Variants in TCF7L2 observed in about 807,000 individuals in gnomAD.
TCF7L2 encodes the protein transcription factor 7 like 2.
Under a neutral mutation model 77.9 loss-of-function variants are expected in TCF7L2, and 23 were observed. The observed-to-expected ratio is 0.30, with a 90% confidence interval of 0.21 to 0.42. TCF7L2 has a LOEUF of 0.42. Ranked by LOEUF, TCF7L2 falls within the 10% of genes least tolerant of loss-of-function variation. The pLI, the probability that TCF7L2 is intolerant of heterozygous loss-of-function variation, is 1.00. For synonymous variants in TCF7L2, 413 were observed against 340.2 expected (o/e 1.21, Z -2.36); for missense variants, 654 against 793.1 (o/e 0.82, Z 2.11).
chr10:113,116,294 G>A (rs2063728125), intron 5 of TCF7L2, among the ~76,000 whole-genome samples: 1 of 152,048 alleles, frequency 6.6e-6, no homozygotes. Context: ...CTCAAGTATT[G>A]TGGTGTTATT....
chr10:113,133,843 C>T (rs1269956523), intron 5 of TCF7L2, among the ~76,000 whole-genome samples: 1 of 152,078 alleles, frequency 6.6e-6, no homozygotes, highest in Non-Finnish European at 1.5e-5. Flanking sequence ...TACAAATAAG[C>T]AGCACCCTTC....
At chr10:113,040,569 C>T (rs952401348) in intron 5 of TCF7L2, among the ~76,000 whole-genome samples, 3 of 152,182 alleles carry the variant, frequency 2.0e-5, no homozygotes, top group Non-Finnish European at 4.4e-5. Context: ...TATTTGTTGG[C>T]AACATTCTAC....
Position 112,951,188 on chromosome 10 carries a change from C to A in TCF7L2, c.190-19C>A. 1 of 1,582,080 alleles carries A rather than the reference C, an allele frequency of 6.3e-7. No individual in the cohort carries two copies. Among genetic ancestry groups the A allele is most frequent in the Non-Finnish European group, 8.6e-7 (1 of 1,167,580 alleles). ...TGGCGTTTGCCCCTCGCCCTCCCCA[C>A]CTCCACCCCTCTGGGAAGGCGGAAA... On this transcript the variant is annotated intron_variant, in intron 1 of 13. Transcript: ENST00000627217.
intron 5 of TCF7L2, among the ~76,000 whole-genome samples, chr10:113,122,369 G>T (rs1400406726): frequency 6.6e-6 from 1 of 152,106 alleles, no homozygotes; most frequent in Non-Finnish European, 1.5e-5. Context: ...ATTAATCTTT[G>T]CTTAAACATA....
chr10:112,974,021 GGACAA>G (rs1277307816), intron 4 of TCF7L2, among the ~76,000 whole-genome samples: 3 of 152,144 alleles, frequency 2.0e-5, no homozygotes, highest in African/African-American at 7.2e-5. Flanking sequence ...GGTGGACACG[GGACAA>G]GACAAGAATC....
chr10:113,094,821 C>T (rs979219784), intron 5 of TCF7L2, among the ~76,000 whole-genome samples: 3 of 152,124 alleles, frequency 2.0e-5, no homozygotes, highest in Admixed American at 2.0e-4. Context: ...CAGACTGTTT[C>T]CAAAGTTCCG....
rs1195339332 is a variant in TCF7L2, at chr10:113,126,679, T to C, written c.553-14505T>C. ...CGAGATAATTCTGTGAATGGAACTG[T>C]GCGTGAGCATCTTGTCTGGCGGCGC... On this transcript the variant is annotated intron_variant, in intron 5 of 13. Transcript: ENST00000627217. 3 of 985,450 alleles carry C rather than the reference T, an allele frequency of 3.0e-6. No individual in the cohort carries two copies. In the African/African-American group the frequency reaches 5.2e-5, roughly 17 times the overall value. The allele number at this position is 985,450 out of a possible 1,614,324, so 61.0% of individuals were successfully genotyped here.
intron 4 of TCF7L2, among the ~76,000 whole-genome samples, chr10:113,036,627 T>C (rs2051305653): frequency 6.6e-6 from 1 of 152,148 alleles, no homozygotes; most frequent in South Asian, 2.1e-4. Flanking sequence ...CAGAACATTA[T>C]TATTCAACAA....
chr10:112,960,207 C>T (rs1270453829), intron 3 of TCF7L2, among the ~76,000 whole-genome samples: 1 of 152,110 alleles, frequency 6.6e-6, no homozygotes, highest in East Asian at 1.9e-4. Context: ...GTTTCCCATT[C>T]CATGTCTGGG....
intron 5 of TCF7L2, among the ~76,000 whole-genome samples, chr10:113,111,387 T>C (rs1243292137): frequency 6.6e-6 from 1 of 152,222 alleles, no homozygotes; most frequent in African/African-American, 2.4e-5. Context: ...TCAGTATTTA[T>C]TGAATCAGTG....
In TCF7L2 at chr10:113,058,517, C is replaced by G. The variant is rs150211865; in HGVS notation, c.552+18391C>G. ...GTCCCCGAGGGCAACATGGACTCCA[C>G]ACTGTGATCCTCCGGGCAGCTCATA... On this transcript the variant is annotated intron_variant, in intron 5 of 13. Transcript: ENST00000627217. 2.9e-3 allele frequency among the ~76,000 whole-genome samples: 444 copies of G among 152,222 alleles called. 5 individuals are homozygous for G. Among genetic ancestry groups the G allele is most frequent in the Middle Eastern group, 0.017 (5 of 294 alleles).
intron 4 of TCF7L2, among the ~76,000 whole-genome samples, chr10:112,998,848 A>G (rs2043970644): frequency 6.6e-6 from 1 of 152,198 alleles, no homozygotes. Flanking sequence ...ATGCTTTTGC[A>G]TGTCTTTGTA....
intron 5 of TCF7L2, among the ~76,000 whole-genome samples, chr10:113,095,513 G>A (rs190768510): frequency 6.6e-6 from 1 of 152,188 alleles, no homozygotes; most frequent in Non-Finnish European, 1.5e-5. Flanking sequence ...GGGCACTGCA[G>A]TGCCTCCCTG....
chr10:113,024,776 C>T (rs117621276), intron 4 of TCF7L2, among the ~76,000 whole-genome samples: 3 of 151,866 alleles, frequency 2.0e-5, no homozygotes, highest in Admixed American at 6.6e-5. Flanking sequence ...CTTCCCACCA[C>T]GCACAGCTAA....
At chr10:113,094,824 A>G (rs2060773313) in intron 5 of TCF7L2, among the ~76,000 whole-genome samples, 1 of 152,162 alleles carries the variant, frequency 6.6e-6, no homozygotes, top group African/African-American at 2.4e-5. Flanking sequence ...ACTGTTTCCA[A>G]AGTTCCGCTG....
At chr10:113,130,648 T>C (rs1216312067) in intron 5 of TCF7L2, among the ~76,000 whole-genome samples, 1 of 152,182 alleles carries the variant, frequency 6.6e-6, no homozygotes, top group African/African-American at 2.4e-5. Flanking sequence ...TGATGACAGC[T>C]CATTGTGCTG....
chr10:112,953,675 G>C (rs372687547), intron 3 of TCF7L2, among the ~76,000 whole-genome samples: 2 of 152,148 alleles, frequency 1.3e-5, no homozygotes, highest in African/African-American at 4.8e-5. Flanking sequence ...TCTCAAACTT[G>C]AGCAGTTGTG....
At chr10:112,975,170 T>C (rs928047880) in intron 4 of TCF7L2, among the ~76,000 whole-genome samples, 2 of 152,204 alleles carry the variant, frequency 1.3e-5, no homozygotes, top group Non-Finnish European at 2.9e-5. Flanking sequence ...ATATTATCTC[T>C]ATATTTATAT....
intron 5 of TCF7L2, chr10:113,129,427 T>TG (rs2066195383): frequency 3.0e-6 from 3 of 1,006,174 alleles, no homozygotes; most frequent in South Asian, 8.2e-5. Flanking sequence ...CTGGGGAACA[T>TG]GGACCTTCCC....
Sources: allele counts gnomAD v4.1 joint callset (sites outside exome capture counted in the v4.1 genomes callset), GRCh38; gene constraint gnomAD v4.1.1; transcripts MANE v1.5; gene names NCBI Gene and HGNC (gene_info 2026-07-23, HGNC 2026-07-21).